The following PGD variants were observed in gnomAD, a reference collection of about 807,000 sequenced individuals.
PGD encodes phosphogluconate dehydrogenase, also known as 6-phosphogluconate dehydrogenase, decarboxylating.
PGD carries 21 observed loss-of-function variants against 60.4 expected under a neutral mutation model. That is an observed-to-expected ratio of 0.35 (90% confidence interval 0.25 to 0.50). PGD has a LOEUF of 0.50. PGD is among the 20% of genes least tolerant of loss of function. The pLI, the probability that PGD is intolerant of heterozygous loss-of-function variation, is 0.98. For synonymous variants in PGD, 230 were observed against 235.9 expected, an observed-to-expected ratio of 0.97 and a Z score of 0.23; for missense variants, 477 against 613.1, an observed-to-expected ratio of 0.78 and a Z score of 2.34.
At chr1:10,418,780 A>G in intron 10 of PGD, 46 bp from the exon 11 acceptor site, 1 of 1,232,728 alleles carries the variant, frequency 8.1e-7, no homozygotes, top group Non-Finnish European at 1.2e-6. Flanking sequence ...TCTCAAAAAA[A>G]AAAAAAAAAA....
At chr1:10,408,198 A>T in intron 6 of PGD, 58 bp downstream of exon 6, 1 of 984,808 alleles carries the variant, frequency 1.0e-6, no homozygotes, top group Non-Finnish European at 1.7e-6. Flanking sequence ...CTAAGTGATG[A>T]AGTGCGTGGA....
chr1:10,399,908 G>T, intron 2 of PGD: 1 of 601,356 alleles, frequency 1.7e-6, no homozygotes, highest in Non-Finnish European at 3.0e-6. Flanking sequence ...GAGTGTGCCT[G>T]TGGGTCCGTG....
At chr1:10,410,442 A>C (rs1196884237) in intron 6 of PGD, among the ~76,000 whole-genome samples, 1 of 144,588 alleles carries the variant, frequency 6.9e-6, no homozygotes, top group Non-Finnish European at 1.5e-5. Flanking sequence ...ACTCCGTTTC[A>C]AAAAAAAAAA....
intron 7 of PGD, chr1:10,412,826 C>A (rs1012756914): frequency 4.4e-6 from 2 of 455,868 alleles, no homozygotes; most frequent in Non-Finnish European, 8.1e-6. Flanking sequence ...GGAGCCCTTG[C>A]CTCTGAGGAG....
chr1:10,409,649 CTTTTTTTTTTTTTT>C (rs543426528), intron 6 of PGD, among the ~76,000 whole-genome samples: 44 of 75,408 alleles, frequency 5.8e-4, no homozygotes, highest in Non-Finnish European at 8.1e-4. Context: ...GTGGTAGCAA[CTTTTTTTTTTTTTT>C]TTTTTTTTTT....
At chr1:10,410,137 G>A (rs1399723042) in intron 6 of PGD, among the ~76,000 whole-genome samples, 1 of 152,076 alleles carries the variant, frequency 6.6e-6, no homozygotes, top group African/African-American at 2.4e-5. Context: ...AAAATCAGAA[G>A]TCAGCAGGGG....
intron 5 of PGD, 123 bp from the exon 6 acceptor site, chr1:10,407,948 C>G: frequency 1.7e-6 from 1 of 582,126 alleles, no homozygotes. Flanking sequence ...GACCCTGTCT[C>G]AAAAAAAAAA....
chr1:10,419,063 C>G, intron 11 of PGD, 138 bp downstream of exon 11: 1 of 610,084 alleles, frequency 1.6e-6, no homozygotes. Flanking sequence ...GGCTGGAGTA[C>G]AGTGGCATGA....
chr1:10,417,184 G>A, intron 9 of PGD, 67 bp downstream of exon 9: 1 of 1,579,620 alleles, frequency 6.3e-7, no homozygotes, highest in Non-Finnish European at 8.7e-7. Flanking sequence ...GGGGGTTGTG[G>A]TGGGAGAACA....
chr1:10,418,715 C>A, intron 10 of PGD, 111 bp from the exon 11 acceptor site: 1 of 614,476 alleles, frequency 1.6e-6, no homozygotes, highest in Non-Finnish European at 2.9e-6. Context: ...GTGGAGGTTG[C>A]TGTGAGCTGA....
chr1:10,400,432 T>C lies in PGD; in HGVS notation c.124T>C (p.Phe42Leu), dbSNP rs1333329904. ...TAGGACTGTCTCCAAAGTTGATGAT[T>C]TCTTGGCCAATGAGGCAAAGGGAAC... Reference protein sequence around the residue: ...FNRTVSKVDDFLANEAKGTKV... With the variant: ...FNRTVSKVDDLLANEAKGTKV... The change falls in exon 3 of 13, where the codon TTC becomes CTC. Residue 42 changes from phenylalanine (F) to leucine (L), a missense_variant. Phe to Leu is a conservative substitution (Grantham distance 22, BLOSUM62 0). Around this residue, in one of 3 missense-constraint regions of PGD, gnomAD observed 431 missense variants for 556.6 expected, o/e 0.77. Transcript: ENST00000270776. 1 of 1,613,838 alleles carries C rather than the reference T, an allele frequency of 6.2e-7. No homozygotes were observed. Among genetic ancestry groups the C allele is most frequent in the Admixed American group, 1.7e-5 (1 of 59,970 alleles).
chr1:10,417,530 G>C, intron 10 of PGD, 21 bp downstream of exon 10: 2 of 1,595,258 alleles, frequency 1.3e-6, no homozygotes, highest in Middle Eastern at 1.7e-4. Context: ...GGCAGCCCAG[G>C]GTCCGACGGG....
intron 6 of PGD, among the ~76,000 whole-genome samples, chr1:10,409,524 C>T (rs1461896477): frequency 3.3e-5 from 5 of 152,000 alleles, no homozygotes; most frequent in South Asian, 2.1e-4. Flanking sequence ...CTTGAGCCCA[C>T]GAGTTCAAGG....
At chr1:10,406,287 C>T (rs900686150) in intron 5 of PGD, among the ~76,000 whole-genome samples, 1 of 152,050 alleles carries the variant, frequency 6.6e-6, no homozygotes, top group African/African-American at 2.4e-5. Context: ...CAGTGGCTTG[C>T]ACCTGTAGTG....
chr1:10,409,394 G>A (rs1318670453), intron 6 of PGD, among the ~76,000 whole-genome samples: 1 of 152,088 alleles, frequency 6.6e-6, no homozygotes, highest in East Asian at 1.9e-4. Context: ...AAAGAGCTGA[G>A]TAATCTTCTC....
Position 10,401,879 on chromosome 1 carries a change from G to A in PGD, c.265-1192G>A, listed in dbSNP as rs565668939. On this transcript the variant is annotated intron_variant, in intron 3 of 12. Coordinates refer to ENST00000270776, the MANE Select transcript of PGD (RefSeq NM_002631.4). The stretch of plus-strand genomic sequence containing the variant: ...AAATACAAAAAATTAGCCAGGCGTG[G>A]TGGTGGGTGCCTGTAGTCCCAGCTA... 4.6e-5 allele frequency among the ~76,000 whole-genome samples: 7 copies of A among 152,226 alleles called. No homozygotes were observed. In the South Asian group the frequency reaches 8.3e-4, roughly 18 times the overall value.
At chr1:10,401,090 A>G (rs931830015) in intron 3 of PGD, among the ~76,000 whole-genome samples, 2 of 152,166 alleles carry the variant, frequency 1.3e-5, no homozygotes, top group East Asian at 3.8e-4. Flanking sequence ...CTGTAATCCC[A>G]GTTACTCGGG....
rs1639654018 is a variant in PGD, at chr1:10,419,558, G to T, written c.1332+19G>T. The stretch of plus-strand genomic sequence containing the variant: ...CATCCAGGTAAGCCTGTGGAGCAGG[G>T]ATTAACCTGGCTGGCCCCTCGGGGG... On this transcript the variant is annotated intron_variant, in intron 12 of 12. Transcript: ENST00000270776. 1 of 1,613,942 alleles carries T rather than the reference G, an allele frequency of 6.2e-7. No homozygotes were observed.
intron 7 of PGD, among the ~76,000 whole-genome samples, chr1:10,412,244 A>AT (rs1220530765): frequency 6.6e-6 from 1 of 152,116 alleles, no homozygotes; most frequent in African/African-American, 2.4e-5. Context: ...TTCACCCGCC[A>AT]TTTTTTGGAG....
Sources: gnomAD v4.1 joint callset for allele counts (sites outside exome capture counted in the v4.1 genomes callset) on GRCh38, gnomAD v4.1.1 for gene constraint, gnomAD v4.1.1 regional missense constraint, MANE v1.5 for transcripts, NCBI Gene and HGNC (gene_info 2026-07-23, HGNC 2026-07-21) for gene names.